The following FAT4 variants were observed in gnomAD, a reference collection of about 807,000 sequenced individuals.
The protein encoded by FAT4 is protocadherin Fat 4.
FAT4 carries 84 observed loss-of-function variants against 303.9 expected under a neutral mutation model. The observed-to-expected ratio is 0.28, with a 90% CI of 0.23 to 0.33. FAT4 has a LOEUF of 0.33. FAT4 is among the 10% of genes least tolerant of loss of function. FAT4 has a pLI of 1.00. For missense variants in FAT4, 6,005 were observed against 6,146.8 expected (o/e 0.98, Z 0.77); for synonymous variants, 2,307 against 2,298.8 (o/e 1.00, Z -0.10).
chr4:125,465,742 C>T (rs948586375), intron 11 of FAT4, among the ~76,000 whole-genome samples: 26 of 152,050 alleles, frequency 1.7e-4, no homozygotes, highest in East Asian at 3.9e-4. Context: ...CACACATAGC[C>T]GGCAGTGCAA....
rs893123501 is a variant in FAT4, at chr4:125,415,461, C to T, written c.6498C>T (p.Asn2166=). Reference sequence around the variant, plus strand: ...TGTATAAAGTGGAGATTAATGAAAACACACTTACTGGAACAGATATAATAC... The same window carrying T: ...TGTATAAAGTGGAGATTAATGAAAATACACTTACTGGAACAGATATAATAC... ...QALYKVEINE[N]TLTGTDIIQV... is the part of the protein sequence containing the mutation. The change falls in exon 6 of 18, where the codon AAC becomes AAT. Residue 2166 remains asparagine, a synonymous_variant. Transcript: ENST00000394329. 1.9e-6 allele frequency: 3 copies of T among 1,613,952 alleles called. No individual in the cohort carries two copies. The highest frequency in any genetic ancestry group is 2.5e-6 in the Non-Finnish European group (3 of 1,179,984).
chr4:125,441,344 A>G (rs1278452515), intron 8 of FAT4, among the ~76,000 whole-genome samples: 2 of 152,216 alleles, frequency 1.3e-5, no homozygotes, highest in African/African-American at 4.8e-5. Flanking sequence ...GGAATGAAAG[A>G]TATTCTAGGC....
Position 125,318,241 on chromosome 4 carries a change from G to C in FAT4, c.1830G>C (p.Gly610=), listed in dbSNP as rs774467641. ...TELLMLRATD[G]DLGDNGTVRF... ...TGTTGATGCTCAGGGCAACTGACGGGGACCTGGGTGACAACGGAACAGTGC... is the reference window on the plus strand; with the variant it reads ...TGTTGATGCTCAGGGCAACTGACGGCGACCTGGGTGACAACGGAACAGTGC... Residue 610 remains glycine, a synonymous_variant, in exon 2 of 18, where the codon GGG becomes GGC. Transcript: ENST00000394329. The C allele has an allele frequency of 8.1e-6, 13 of 1,614,208 alleles. No homozygotes were observed. The highest frequency in any genetic ancestry group is 1.0e-5 in the Non-Finnish European group (12 of 1,180,040).
chr4:125,408,355 A>G lies in FAT4; in HGVS notation c.5570-89A>G, dbSNP rs1303901165. 6 of 777,940 alleles carry G rather than the reference A, an allele frequency of 7.7e-6. No individual in the cohort carries two copies. The African/African-American group carries it at 8.9e-5, about 12-fold the overall frequency. The allele number at this position is 777,940 out of a possible 1,614,324, so 48.2% of individuals were successfully genotyped here. On this transcript the variant is annotated intron_variant, in intron 4 of 17. Coordinates refer to ENST00000394329, the MANE Select transcript of FAT4 (RefSeq NM_001291303.3). ...TTTCAGTTAAGATATTTTACTGTAC[A>G]AATACATTTTTTGGTCTCTTTCTAT...
intron 8 of FAT4, among the ~76,000 whole-genome samples, chr4:125,440,358 G>T (rs866650398): frequency 1.3e-5 from 2 of 151,592 alleles, no homozygotes; most frequent in African/African-American, 4.8e-5. Context: ...AATTTTTCAA[G>T]TCCAGTGACT....
In FAT4 at chr4:125,451,117, A is replaced by G. The variant is rs147646369; in HGVS notation, c.10107A>G (p.Glu3369=). 357 of 1,614,152 alleles carry G rather than the reference A, an allele frequency of 2.2e-4. 2 individuals carry two copies. The African/African-American group carries it at 4.4e-3, about 20-fold the overall frequency. The change falls in exon 10 of 18, where the codon GAA becomes GAG. Residue 3369 remains glutamate, a synonymous_variant. Transcript: ENST00000394329. ...VSGILDREKE[E]RVSLKVLAKN... Reference sequence around the variant, plus strand: ...GAATTCTTGATCGAGAAAAAGAAGAAAGGGTGTCTTTGAAGGTATTGGCCA... The same window carrying G: ...GAATTCTTGATCGAGAAAAAGAAGAGAGGGTGTCTTTGAAGGTATTGGCCA...
rs140285782 is a variant in FAT4, at chr4:125,434,422, T to C, written c.7196T>C (p.Ile2399Thr). 107 of 1,613,834 alleles carry C rather than the reference T, an allele frequency of 6.6e-5. No homozygotes were observed. The Admixed American group carries it at 9.0e-4, about 14-fold the overall frequency. ...SDADASKNAV[I>T]SYRIIGGNSQ... ...GCTGATGCTTCAAAGAATGCAGTTA[T>C]AAGGTCAGTACATTTTCCTTTGTAA... Residue 2399 changes from isoleucine to threonine, a missense_variant, in exon 8 of 18, where the codon ATA becomes ACA. Transcript: ENST00000394329.
intron 8 of FAT4, among the ~76,000 whole-genome samples, chr4:125,443,364 C>T (rs755189520): frequency 6.6e-6 from 1 of 152,090 alleles, no homozygotes; most frequent in Non-Finnish European, 1.5e-5. Flanking sequence ...AGCAAGAGTC[C>T]ATGTTGGCCT....
rs1279559783 is a variant in FAT4 at position 125,452,068 on chromosome 4, TAGCAATGATGGAGTTCA to T, written c.11059_11075del (p.Ser3687GlnfsTer21). 6.2e-7 allele frequency: 1 copy of T among 1,614,140 alleles called. No homozygotes were observed. The highest frequency in any genetic ancestry group is 8.5e-7 in the Non-Finnish European group (1 of 1,180,022). ...ATGGCACGTTTGATCTGACTGTCCTTAGCAATGATGGAGTTCACAGCACAGTCACGAGCAACATCCGA... is the reference window on the plus strand; with the variant it reads ...ATGGCACGTTTGATCTGACTGTCCTTCAGCACAGTCACGAGCAACATCCGA... On this transcript the variant is annotated frameshift_variant, in exon 10 of 18. Transcript: ENST00000394329. LOFTEE classifies it high-confidence loss of function.
intron 2 of FAT4, among the ~76,000 whole-genome samples, chr4:125,324,929 T>C (rs1486880519): frequency 1.3e-5 from 2 of 152,182 alleles, no homozygotes; most frequent in Admixed American, 1.3e-4. Flanking sequence ...TAACTAAAAA[T>C]TAAAGAGTGG....
At chr4:125,326,399 A>G (rs548624408) in intron 2 of FAT4, among the ~76,000 whole-genome samples, 2 of 151,984 alleles carry the variant, frequency 1.3e-5, no homozygotes, top group Non-Finnish European at 2.9e-5. Context: ...TGTTATTATT[A>G]TAAAATTTAT....
At chr4:125,465,763 C>G (rs1160874470) in intron 11 of FAT4, among the ~76,000 whole-genome samples, 1 of 152,126 alleles carries the variant, frequency 6.6e-6, no homozygotes, top group African/African-American at 2.4e-5. Context: ...ATTTCTCCCC[C>G]TATTCCTTCC....
At chr4:125,410,496 A>G (rs767142722) in intron 5 of FAT4, among the ~76,000 whole-genome samples, 1 of 152,120 alleles carries the variant, frequency 6.6e-6, no homozygotes, top group Non-Finnish European at 1.5e-5. Flanking sequence ...TAGTCTACCT[A>G]TTCCATAGAT....
intron 16 of FAT4, among the ~76,000 whole-genome samples, chr4:125,484,292 A>G (rs551767027): frequency 6.6e-6 from 1 of 152,294 alleles, no homozygotes; most frequent in African/African-American, 2.4e-5. Context: ...AGTTTCAGAG[A>G]GAAAGGCAAA....
intron 8 of FAT4, among the ~76,000 whole-genome samples, chr4:125,445,355 A>G (rs1725791740): frequency 6.6e-6 from 1 of 152,134 alleles, no homozygotes; most frequent in Non-Finnish European, 1.5e-5. Context: ...CCTGCAGTTT[A>G]TATTAGATAT....
chr4:125,321,437 A>T lies in FAT4; in HGVS notation c.5026A>T (p.Thr1676Ser). 2.5e-6 allele frequency: 4 copies of T among 1,614,022 alleles called. No homozygotes were observed. The highest frequency in any genetic ancestry group is 3.4e-6 in the Non-Finnish European group (4 of 1,179,982). Residue 1676 changes from threonine to serine, a missense_variant, in exon 2 of 18, where the codon ACT (threonine) becomes TCT (serine). Thr to Ser is a moderately conservative substitution (Grantham distance 58). Coordinates refer to ENST00000394329, the MANE Select transcript of FAT4 (RefSeq NM_001291303.3). ...TGTTTCAGTTCGTTGTGAAGAAAAA[A>T]CTGTTGGACGCCTCTTTACTATTGG... ...YIVSVRCEEK[T>S]VGRLFTIGRH...
Position 125,319,901 on chromosome 4 carries a change from G to A in FAT4, c.3490G>A (p.Glu1164Lys). 6.2e-7 allele frequency: 1 copy of A among 1,614,084 alleles called. No individual in the cohort carries two copies. The highest frequency in any genetic ancestry group is 1.1e-5 in the South Asian group (1 of 91,084). The change falls in exon 2 of 18, where the codon GAG becomes AAG. Residue 1164 changes from glutamate to lysine, a missense_variant. Physicochemically the swap from Glu to Lys is moderately conservative, Grantham distance 56 (BLOSUM62 1). Transcript: ENST00000394329. ...TACAAATACTCATCAGTTTGACAGGGAGTCTCTTATGAGGCGGAGAGGGAC... is the reference window on the plus strand; with the variant it reads ...TACAAATACTCATCAGTTTGACAGGAAGTCTCTTATGAGGCGGAGAGGGAC... ...EITNTHQFDR[E>K]SLMRRRGTAV... is the part of the protein sequence containing the mutation.
At chr4:125,340,446 T>G (rs1201057803) in intron 2 of FAT4, among the ~76,000 whole-genome samples, 1 of 151,802 alleles carries the variant, frequency 6.6e-6, no homozygotes, top group Non-Finnish European at 1.5e-5. Context: ...TGCAGTGGCG[T>G]GATCTCGGCT....
chr4:125,414,809 T>C, intron 5 of FAT4, 75 bp from the exon 6 acceptor site: 4 of 979,290 alleles, frequency 4.1e-6, no homozygotes, highest in Non-Finnish European at 6.2e-6. Flanking sequence ...CCAAATTACT[T>C]GCTAAAAGTT....
Sources: allele counts gnomAD v4.1 joint callset (sites outside exome capture counted in the v4.1 genomes callset), GRCh38; gene constraint gnomAD v4.1.1; transcripts MANE v1.5; gene names NCBI Gene and HGNC (gene_info 2026-07-23, HGNC 2026-07-21).